The following CTNNA2 variants were observed in gnomAD, a reference collection of about 807,000 sequenced individuals.
CTNNA2 encodes the protein catenin alpha-2.
In CTNNA2, 42 loss-of-function variants were observed where a neutral mutation model predicts 101.0. The observed-to-expected ratio is 0.42, with a 90% CI of 0.32 to 0.54. The LOEUF is 0.54. Ranked by LOEUF, CTNNA2 falls within the 20% of genes least tolerant of loss-of-function variation. The pLI is 0.14. For synonymous variants in CTNNA2, 450 were observed against 456.4 expected, an observed-to-expected ratio of 0.99 and a Z score of 0.18; for missense variants, 871 against 1,223.1, an observed-to-expected ratio of 0.71 and a Z score of 4.29.
intron 1 of CTNNA2, among the ~76,000 whole-genome samples, chr2:79,614,697 TA>T (rs1325374714): frequency 6.6e-6 from 1 of 152,166 alleles, no homozygotes; most frequent in African/African-American, 2.4e-5. Context: ...TATTTTTGGA[TA>T]GTCTTTGATT....
At chr2:79,658,286 A>G (rs1681763136) in intron 2 of CTNNA2, among the ~76,000 whole-genome samples, 1 of 152,006 alleles carries the variant, frequency 6.6e-6, no homozygotes, top group Non-Finnish European at 1.5e-5. Context: ...CGCTCCTTAA[A>G]TGTAAAATAT....
At chr2:79,323,562 C>CA (rs1185872906) in intron 3 of CTNNA2, among the ~76,000 whole-genome samples, 3 of 151,824 alleles carry the variant, frequency 2.0e-5, no homozygotes, top group Admixed American at 6.6e-5. Flanking sequence ...ACAAAACAAA[C>CA]AAAAAAAACA....
intron 7 of CTNNA2, among the ~76,000 whole-genome samples, chr2:80,378,470 CAT>C (rs1553508380): frequency 3.0e-4 from 45 of 151,446 alleles, no homozygotes; most frequent in Middle Eastern, 3.4e-3. Context: ...CACACACACA[CAT>C]TCATTCATAT....
At chr2:80,172,307 C>T (rs1262140751) in intron 7 of CTNNA2, among the ~76,000 whole-genome samples, 1 of 152,190 alleles carries the variant, frequency 6.6e-6, no homozygotes, top group Non-Finnish European at 1.5e-5. Flanking sequence ...ATTTCTCCCT[C>T]TATGCCAACC....
At chr2:79,976,337 A>T (rs1469199959) in intron 7 of CTNNA2, among the ~76,000 whole-genome samples, 1 of 152,184 alleles carries the variant, frequency 6.6e-6, no homozygotes, top group African/African-American at 2.4e-5. Context: ...TTGTGACTGA[A>T]TAAGACACCA....
intron 1 of CTNNA2, among the ~76,000 whole-genome samples, chr2:79,590,571 A>T (rs913691845): frequency 6.6e-6 from 1 of 152,208 alleles, no homozygotes; most frequent in Non-Finnish European, 1.5e-5. Context: ...ACACACTTCC[A>T]TAAGTACATA....
intron 1 of CTNNA2, among the ~76,000 whole-genome samples, chr2:79,541,473 G>A (rs1673418176): frequency 6.9e-6 from 1 of 144,836 alleles, no homozygotes; most frequent in South Asian, 2.2e-4. Context: ...CATATACTTG[G>A]TAAAAATATG....
At chr2:80,248,975 G>C (rs1191361311) in intron 7 of CTNNA2, among the ~76,000 whole-genome samples, 1 of 152,160 alleles carries the variant, frequency 6.6e-6, no homozygotes, top group Non-Finnish European at 1.5e-5. Context: ...TGCTGAACAT[G>C]GTGATTGCAC....
intron 7 of CTNNA2, among the ~76,000 whole-genome samples, chr2:80,102,421 T>C (rs1700600143): frequency 6.6e-6 from 1 of 152,204 alleles, no homozygotes; most frequent in African/African-American, 2.4e-5. Flanking sequence ...TCCCTGGTGC[T>C]TCCCTCGTTC....
chr2:80,068,120 G>C (rs1478172304), intron 7 of CTNNA2, among the ~76,000 whole-genome samples: 2 of 152,236 alleles, frequency 1.3e-5, no homozygotes, highest in Non-Finnish European at 2.9e-5. Flanking sequence ...ATATGGGGAA[G>C]AGGAGAAAGC....
At chr2:79,845,094 T>C (rs1243827183) in intron 3 of CTNNA2, among the ~76,000 whole-genome samples, 2 of 151,480 alleles carry the variant, frequency 1.3e-5, no homozygotes, top group South Asian at 2.1e-4. Flanking sequence ...TATATATATA[T>C]ATGCACCCTT....
chr2:80,313,462 A>G (rs1677798592), intron 7 of CTNNA2: 3 of 1,521,718 alleles, frequency 2.0e-6, no homozygotes. Context: ...AACCAATATT[A>G]TTCATGCTAT....
At chr2:79,508,781 G>A (rs1671466656), upstream of CTNNA2, among the ~76,000 whole-genome samples, 1 of 151,522 alleles carries the variant, frequency 6.6e-6, no homozygotes, top group Non-Finnish European at 1.5e-5. Context: ...AAAACTGAGT[G>A]TCATAGACAT....
upstream of CTNNA2, among the ~76,000 whole-genome samples, chr2:79,511,784 G>A (rs556578029): frequency 6.6e-6 from 1 of 152,044 alleles, no homozygotes; most frequent in Non-Finnish European, 1.5e-5. Flanking sequence ...AAGCAAAAGG[G>A]GGGAGGGAAA....
rs186336808 is a variant in CTNNA2, at chr2:79,955,371, A to C, written c.1056+45574A>C. ...TGTAGTGCTCTGAGAGGGATCTAAAAAGAAAGGGGGAGGATGACTTTATTT... is the reference window on the plus strand; with the variant it reads ...TGTAGTGCTCTGAGAGGGATCTAAACAGAAAGGGGGAGGATGACTTTATTT... On this transcript the variant is annotated intron_variant, in intron 7 of 18. Transcript: ENST00000402739. Among the ~76,000 whole-genome samples, 45 of 152,328 alleles carry C rather than the reference A, an allele frequency of 3.0e-4. No homozygotes were observed. The East Asian group carries it at 8.5e-3, about 29-fold the overall frequency.
At chr2:80,400,073 C>G (rs536233831) in intron 8 of CTNNA2, among the ~76,000 whole-genome samples, 10 of 152,138 alleles carry the variant, frequency 6.6e-5, no homozygotes, top group Non-Finnish European at 1.3e-4. Context: ...ACCATTATGG[C>G]CTGAATTGAG....
At chr2:80,483,520 C>T (rs1686311753) in intron 9 of CTNNA2, among the ~76,000 whole-genome samples, 1 of 151,876 alleles carries the variant, frequency 6.6e-6, no homozygotes, top group Non-Finnish European at 1.5e-5. Flanking sequence ...TACTATGTAC[C>T]AGGCACTGTG....
chr2:79,716,974 T>C (rs1238164112), intron 2 of CTNNA2, among the ~76,000 whole-genome samples: 1 of 152,034 alleles, frequency 6.6e-6, no homozygotes, highest in Admixed American at 6.6e-5. Flanking sequence ...ATTTTCATCA[T>C]TGTAATAAGA....
chr2:79,940,817 A>T (rs1378788369), intron 7 of CTNNA2, among the ~76,000 whole-genome samples: 1 of 152,226 alleles, frequency 6.6e-6, no homozygotes, highest in African/African-American at 2.4e-5. Flanking sequence ...AAAATGTTAA[A>T]TATCTCATGT....
Sources: gnomAD v4.1 joint callset for allele counts (sites outside exome capture counted in the v4.1 genomes callset) on GRCh38, gnomAD v4.1.1 for gene constraint, MANE v1.5 for transcripts, NCBI Gene and HGNC (gene_info 2026-07-23, HGNC 2026-07-21) for gene names.